The following HOOK3 variants were observed in gnomAD, a reference collection of about 807,000 sequenced individuals.
HOOK3 encodes protein Hook homolog 3.
HOOK3 carries 24 observed loss-of-function variants against 116.3 expected under a neutral mutation model. The observed-to-expected ratio is 0.21, with a 90% CI of 0.15 to 0.29. The LOEUF (loss-of-function observed/expected upper bound fraction) is 0.29, where lower values mean the gene tolerates loss of function less well. Among genes scored for constraint, HOOK3 ranks in the 10% least tolerant of loss-of-function variants. The pLI, the probability that HOOK3 is intolerant of heterozygous loss-of-function variation, is 1.00. For missense variants in HOOK3, 632 were observed against 830.2 expected (o/e 0.76, Z 2.93); for synonymous variants, 275 against 283.0 (o/e 0.97, Z 0.28).
At chr8:42,935,897 A>T (rs1177700029) in intron 4 of HOOK3, among the ~76,000 whole-genome samples, 1 of 152,082 alleles carries the variant, frequency 6.6e-6, no homozygotes, top group Non-Finnish European at 1.5e-5. Flanking sequence ...TCCATATGAA[A>T]TTTAAAGTAG....
At chr8:42,978,363 C>T (rs1808867727) in intron 13 of HOOK3, among the ~76,000 whole-genome samples, 1 of 151,584 alleles carries the variant, frequency 6.6e-6, no homozygotes, top group Non-Finnish European at 1.5e-5. Flanking sequence ...CTTGCCTCAG[C>T]CTCCTGAGTA....
intron 17 of HOOK3, among the ~76,000 whole-genome samples, chr8:43,003,916 A>G (rs1259049600): frequency 1.3e-5 from 2 of 152,196 alleles, no homozygotes; most frequent in Non-Finnish European, 2.9e-5. Context: ...GCGTGCCCTC[A>G]TCTTAGCTAC....
chr8:42,947,555 A>C (rs1808252778), intron 5 of HOOK3, among the ~76,000 whole-genome samples: 1 of 152,220 alleles, frequency 6.6e-6, no homozygotes, highest in African/African-American at 2.4e-5. Context: ...TTTCCCCCCA[A>C]AATTGTATAA....
At chr8:42,983,765 C>T (rs902021876) in intron 14 of HOOK3, among the ~76,000 whole-genome samples, 7 of 152,094 alleles carry the variant, frequency 4.6e-5, no homozygotes, top group East Asian at 3.9e-4. Flanking sequence ...TGTAAGCCGC[C>T]GCACCCAGCC....
Position 42,982,669 on chromosome 8 carries a change from C to T in HOOK3, c.1364C>T (p.Ala455Val), listed in dbSNP as rs759999724. The change falls in exon 14 of 22, where the codon GCT (alanine) becomes GTT (valine). Residue 455 changes from alanine to valine, a missense_variant. Physicochemically the swap from Ala to Val is moderately conservative, Grantham distance 64. This residue lies in a region of HOOK3 where 483 missense variants were observed against 648.1 expected (regional missense o/e 0.75). Transcript: ENST00000307602. ...AGTCAGGAGTCTTCAGACAGTCTAG[C>T]TGCAGAGATTGTTACACCTGAAATC... ...LGSQESSDSL[A>V]AEIVTPEIRE... The T allele has an allele frequency of 6.2e-7, 1 of 1,612,340 alleles. No homozygotes were observed. The highest frequency in any genetic ancestry group is 1.3e-5 in the African/African-American group (1 of 74,892).
At chr8:42,986,575 C>G in intron 14 of HOOK3, 80 bp from the exon 15 acceptor site, 2 of 1,071,306 alleles carry the variant, frequency 1.9e-6, no homozygotes, top group Non-Finnish European at 2.6e-6. Context: ...GAGTGCTTAG[C>G]TGGATTTGAT....
At chr8:42,953,255 TAAAAAA>T (rs71231878) in intron 6 of HOOK3, among the ~76,000 whole-genome samples, 2 of 107,430 alleles carry the variant, frequency 1.9e-5, no homozygotes, top group African/African-American at 6.7e-5. Context: ...GAGTTTATCC[TAAAAAA>T]AAAAAAAAAA....
chr8:42,945,847 G>A (rs993534037), intron 5 of HOOK3, among the ~76,000 whole-genome samples: 4 of 152,096 alleles, frequency 2.6e-5, no homozygotes, highest in Non-Finnish European at 5.9e-5. Context: ...TGTGTATACA[G>A]CAAGTCCAAG....
intron 14 of HOOK3, among the ~76,000 whole-genome samples, chr8:42,985,700 G>A (rs573621341): frequency 2.6e-5 from 4 of 151,106 alleles, no homozygotes; most frequent in Admixed American, 6.6e-5. Flanking sequence ...AGCTGAGATC[G>A]TACCACTGCA....
At chr8:42,913,104 A>C (rs1242151849) in intron 2 of HOOK3, among the ~76,000 whole-genome samples, 2 of 150,568 alleles carry the variant, frequency 1.3e-5, no homozygotes, top group Non-Finnish European at 3.0e-5. Context: ...AGAGCTTCCC[A>C]CTTTTTTTTT....
chr8:42,935,078 G>A (rs956026362), intron 4 of HOOK3, among the ~76,000 whole-genome samples: 1 of 152,066 alleles, frequency 6.6e-6, no homozygotes, highest in South Asian at 2.1e-4. Context: ...TTTAATGATC[G>A]CCATTCTAAC....
rs561502242 is a variant in HOOK3 at position 42,950,380 on chromosome 8, G to C, written c.401-8G>C. 1.1e-5 allele frequency: 18 copies of C among 1,591,240 alleles called. No homozygotes were observed. The highest frequency in any genetic ancestry group is 1.5e-5 in the Non-Finnish European group (17 of 1,160,596). On this transcript the variant is annotated splice_polypyrimidine_tract_variant and splice_region_variant and intron_variant, in intron 5 of 21. Transcript: ENST00000307602. ...AACAGTGACATTCTAGATTGTTCTT[G>C]TTTTCAGAGTACATCCAAGCCATTA...
intron 2 of HOOK3, among the ~76,000 whole-genome samples, chr8:42,920,260 C>T (rs1807631056): frequency 6.6e-6 from 1 of 152,020 alleles, no homozygotes; most frequent in African/African-American, 2.4e-5. Context: ...AGAAAGTTAC[C>T]TTTATATTGT....
In HOOK3 at chr8:42,957,110, C is replaced by T; in HGVS notation, c.485C>T (p.Ser162Phe). The T allele has an allele frequency of 6.3e-7, 1 of 1,591,548 alleles. No individual in the cohort carries two copies. Among genetic ancestry groups the T allele is most frequent in the Non-Finnish European group, 8.6e-7 (1 of 1,165,570 alleles). ...TAIQELMSKE[S>F]PVSAGNDAYV... ...TGATTTCAGCTGATGAGTAAAGAAT[C>T]TCCTGTCTCTGCTGGAAATGATGCC... The change falls in exon 7 of 22, where the codon TCT becomes TTT. Residue 162 changes from serine to phenylalanine, a missense_variant. Coordinates refer to ENST00000307602, the MANE Select transcript of HOOK3 (RefSeq NM_032410.4).
At chr8:42,963,256 A>T (rs1465449736) in intron 8 of HOOK3, among the ~76,000 whole-genome samples, 1 of 152,212 alleles carries the variant, frequency 6.6e-6, no homozygotes, top group Non-Finnish European at 1.5e-5. Context: ...TTATATGCTT[A>T]CTGGTTGAGC....
At chr8:42,948,849 G>A (rs950344955) in intron 5 of HOOK3, among the ~76,000 whole-genome samples, 1 of 152,192 alleles carries the variant, frequency 6.6e-6, no homozygotes, top group Non-Finnish European at 1.5e-5. Context: ...TGATATTCCT[G>A]TTGGCCTAAG....
intron 15 of HOOK3, among the ~76,000 whole-genome samples, chr8:42,996,398 AAAAAAG>A (rs1402249458): frequency 1.9e-3 from 285 of 151,646 alleles, no homozygotes; most frequent in African/African-American, 4.3e-3. Context: ...AAAAAAAAAA[AAAAAAG>A]AAAAAGAAAA....
chr8:43,013,635 G>A (rs771748943), intron 21 of HOOK3, among the ~76,000 whole-genome samples: 5 of 152,202 alleles, frequency 3.3e-5, no homozygotes, highest in Non-Finnish European at 7.3e-5. Context: ...AAAGATAAAT[G>A]TCAGTCTAAT....
chr8:42,990,325 CTTTTTTTTTTTTTTTTTTTTT>C (rs59033055), intron 15 of HOOK3, among the ~76,000 whole-genome samples: 17 of 37,902 alleles, frequency 4.5e-4, no homozygotes, highest in South Asian at 9.7e-4. Flanking sequence ...CTGTTTAGAT[CTTTTTTTTTTTTTTTTTTTTT>C]TTTTTTTTTT....
Sources: allele counts gnomAD v4.1 joint callset (sites outside exome capture counted in the v4.1 genomes callset), GRCh38; gene constraint gnomAD v4.1.1; regional missense constraint gnomAD v4.1.1; transcripts MANE v1.5; gene names NCBI Gene and HGNC (gene_info 2026-07-23, HGNC 2026-07-21).